TESMIN: variants seen among roughly 807,000 people sequenced by gnomAD.
TESMIN encodes the protein CXC domain containing 2.
In TESMIN, 34 loss-of-function variants were observed where a neutral mutation model predicts 47.4. The observed-to-expected ratio is 0.72, with a 90% CI of 0.55 to 0.96. TESMIN has a LOEUF of 0.96. TESMIN is among the 40% of genes least tolerant of loss of function. The pLI is 0.00. For missense variants in TESMIN, 610 were observed against 637.2 expected (o/e 0.96, Z 0.46); for synonymous variants, 278 against 258.9 (o/e 1.07, Z -0.71).
At chr11:68,705,884 G>C (rs572320778), downstream of TESMIN, among the ~76,000 whole-genome samples, 4 of 152,066 alleles carry the variant, frequency 2.6e-5, no homozygotes, top group African/African-American at 9.7e-5. Context: ...TTAGCCGGGC[G>C]TGGTGGTGCG....
chr11:68,718,051 A>G (rs1386009909), intron 6 of TESMIN, among the ~76,000 whole-genome samples: 1 of 152,058 alleles, frequency 6.6e-6, no homozygotes, highest in Non-Finnish European at 1.5e-5. Flanking sequence ...TGGTGAAGCT[A>G]CAGTGACCAA....
chr11:68,735,867 G>C (rs1422866279), intron 6 of TESMIN, among the ~76,000 whole-genome samples: 2 of 152,222 alleles, frequency 1.3e-5, no homozygotes, highest in East Asian at 1.9e-4. Context: ...TTACTCAACA[G>C]GATGACCCAG....
At chr11:68,738,481 G>C in intron 6 of TESMIN, 1 of 1,356,022 alleles carries the variant, frequency 7.4e-7, no homozygotes, top group Non-Finnish European at 9.5e-7. Context: ...GACAGATGCA[G>C]GTTATGGGCC....
At chr11:68,706,127 C>A (rs1046711308), downstream of TESMIN, among the ~76,000 whole-genome samples, 1 of 151,964 alleles carries the variant, frequency 6.6e-6, no homozygotes, top group Non-Finnish European at 1.5e-5. Context: ...ATAGCACTGG[C>A]TCTCCGCCAA....
chr11:68,715,638 C>A (rs1379368443), intron 7 of TESMIN, among the ~76,000 whole-genome samples, 199 bp downstream of exon 7: 2 of 152,164 alleles, frequency 1.3e-5, no homozygotes, highest in East Asian at 1.9e-4. Flanking sequence ...AGGGAAAAGG[C>A]CTTTCTCTGC....
At chr11:68,737,975 C>A in intron 6 of TESMIN, 1 of 985,878 alleles carries the variant, frequency 1.0e-6, no homozygotes, top group Non-Finnish European at 1.2e-6. Flanking sequence ...ACAAACACCT[C>A]TTGGAGGCAG....
chr11:68,707,327 G>A (rs1325370311), downstream of TESMIN: 6 of 155,148 alleles, frequency 3.9e-5, no homozygotes, highest in African/African-American at 1.4e-4. Context: ...CACCCTCTAA[G>A]TGGCCAACAC....
At chr11:68,711,081 G>A (rs1594283559) in intron 8 of TESMIN, 32 bp from the exon 9 acceptor site, 1 of 1,546,488 alleles carries the variant, frequency 6.5e-7, no homozygotes, top group African/African-American at 1.4e-5. Context: ...ATAAAATTAG[G>A]TTGTCTCACA....
intron 6 of TESMIN, chr11:68,736,934 C>T (rs1043804729): frequency 2.0e-6 from 2 of 985,234 alleles, no homozygotes; most frequent in African/African-American, 1.7e-5. Context: ...TCGGCTGCAA[C>T]ACATAGAAGC....
intron 3 of TESMIN, among the ~76,000 whole-genome samples, chr11:68,746,125 T>C (rs545515674): frequency 6.6e-6 from 1 of 152,292 alleles, no homozygotes; most frequent in South Asian, 2.1e-4. Flanking sequence ...CCAGCATTCA[T>C]GTTCAATTGG....
chr11:68,730,769 T>C (rs1946317647), intron 6 of TESMIN, among the ~76,000 whole-genome samples: 1 of 148,364 alleles, frequency 6.7e-6, no homozygotes, highest in South Asian at 2.1e-4. Context: ...CACTCCAGCC[T>C]GGGCCGACAA....
intron 2 of TESMIN, among the ~76,000 whole-genome samples, chr11:68,749,742 C>A (rs1399989481): frequency 4.0e-5 from 6 of 151,374 alleles, no homozygotes; most frequent in African/African-American, 1.5e-4. Context: ...GGATTCCAAG[C>A]CTGGTAAAGT....
intron 1 of TESMIN, 25 bp from the exon 2 acceptor site, chr11:68,750,724 G>A (rs1473897269): frequency 1.6e-6 from 2 of 1,242,764 alleles, no homozygotes; most frequent in Non-Finnish European, 2.1e-6. Flanking sequence ...CAGGTGAGAG[G>A]CAGCCAGAGG....
intron 6 of TESMIN, among the ~76,000 whole-genome samples, chr11:68,735,107 TC>T (rs1463418899): frequency 6.6e-6 from 1 of 152,216 alleles, no homozygotes; most frequent in Non-Finnish European, 1.5e-5. Flanking sequence ...TGAGAATTCA[TC>T]TAGTTTTGTT....
intron 7 of TESMIN, 68 bp from the exon 8 acceptor site, chr11:68,713,475 T>A (rs1946097603): frequency 6.4e-7 from 1 of 1,557,504 alleles, no homozygotes; most frequent in Non-Finnish European, 8.8e-7. Context: ...ATGAAGGGCA[T>A]CTCATTTGAA....
chr11:68,736,792 AGAG>A (rs1946391865), intron 6 of TESMIN: 6 of 970,372 alleles, frequency 6.2e-6, no homozygotes, highest in South Asian at 4.8e-5. Context: ...AGGAGAACAA[AGAG>A]GAGGAGGAGG....
At chr11:68,709,964 C>T (rs1315470339) in intron 9 of TESMIN, among the ~76,000 whole-genome samples, 3 of 152,160 alleles carry the variant, frequency 2.0e-5, no homozygotes, top group Admixed American at 6.5e-5. Context: ...TTCAGGAGTT[C>T]GAGACCAATA....
chr11:68,738,275 G>T, intron 6 of TESMIN: 1 of 999,158 alleles, frequency 1.0e-6, no homozygotes, highest in Non-Finnish European at 1.2e-6. Flanking sequence ...AGCATGGAAG[G>T]CAGCGGGCGG....
chr11:68,722,333 T>C (rs1015087801), intron 6 of TESMIN, among the ~76,000 whole-genome samples: 11 of 152,248 alleles, frequency 7.2e-5, no homozygotes, highest in African/African-American at 2.2e-4. Context: ...TCTGGAAAAA[T>C]TCAGTGATGG....
Sources: gnomAD v4.1 joint callset for allele counts (sites outside exome capture counted in the v4.1 genomes callset) on GRCh38, gnomAD v4.1.1 for gene constraint, MANE v1.5 for transcripts, NCBI Gene and HGNC (gene_info 2026-07-23, HGNC 2026-07-21) for gene names.